The following MAGI2 variants were observed in gnomAD, a reference collection of about 807,000 sequenced individuals.
The protein encoded by MAGI2 is membrane-associated guanylate kinase, WW and PDZ domain-containing protein 2.
Under a neutral mutation model 133.3 loss-of-function variants are expected in MAGI2, and 35 were observed. That is an observed-to-expected ratio of 0.26 (90% confidence interval 0.20 to 0.35). The LOEUF (loss-of-function observed/expected upper bound fraction) is 0.35, where lower values mean the gene tolerates loss of function less well. Among genes scored for constraint, MAGI2 ranks in the 10% least tolerant of loss-of-function variants. The probability of loss-of-function intolerance (pLI) is 1.00; values close to 1 mark genes in which losing one functional copy is unlikely to be tolerated. For missense variants in MAGI2, 1,636 were observed against 1,863.4 expected, an observed-to-expected ratio of 0.88 and a Z score of 2.25; for synonymous variants, 729 against 710.6, an observed-to-expected ratio of 1.03 and a Z score of -0.41.
chr7:78,144,432 A>C (rs1239562857), intron 16 of MAGI2, among the ~76,000 whole-genome samples: 2 of 152,148 alleles, frequency 1.3e-5, no homozygotes, highest in Non-Finnish European at 2.9e-5. Flanking sequence ...TTTTATTACA[A>C]TTTTTAGTTA....
chr7:79,438,814 C>A (rs1848314194), intron 1 of MAGI2, among the ~76,000 whole-genome samples: 1 of 151,962 alleles, frequency 6.6e-6, no homozygotes, highest in Non-Finnish European at 1.5e-5. Flanking sequence ...TGAGTGAAAC[C>A]AAATTTTCTC....
intron 1 of MAGI2, among the ~76,000 whole-genome samples, chr7:79,427,378 T>A (rs7810770): frequency 0.2 from 30,303 of 151,546 alleles, 4,301 homozygotes; most frequent in African/African-American, 0.41. Flanking sequence ...AAAGTAAAAT[T>A]AAAAAATTAA....
At chr7:78,576,019 C>A (rs1238817767) in intron 3 of MAGI2, among the ~76,000 whole-genome samples, 1 of 151,986 alleles carries the variant, frequency 6.6e-6, no homozygotes, top group Non-Finnish European at 1.5e-5. Flanking sequence ...CATAAACTCT[C>A]TGTACTATTT....
chr7:79,162,911 T>C (rs1264074214), intron 1 of MAGI2, among the ~76,000 whole-genome samples: 3 of 152,154 alleles, frequency 2.0e-5, no homozygotes, highest in Non-Finnish European at 4.4e-5. Flanking sequence ...CTTAAAATAA[T>C]AATTTTAAGA....
At chr7:78,114,664 G>T (rs1236592237) in intron 20 of MAGI2, among the ~76,000 whole-genome samples, 2 of 152,182 alleles carry the variant, frequency 1.3e-5, no homozygotes, top group East Asian at 3.9e-4. Flanking sequence ...GGGTGGAGGG[G>T]ACCATGCTTC....
intron 5 of MAGI2, among the ~76,000 whole-genome samples, chr7:78,490,313 T>C (rs1396472316): frequency 1.3e-5 from 2 of 152,076 alleles, no homozygotes; most frequent in African/African-American, 2.4e-5. Context: ...TTATAGCATG[T>C]TCTTGGGATT....
In MAGI2 at chr7:78,755,371, T is replaced by C. The variant is rs546683026; in HGVS notation, c.419-128132A>G. On this transcript the variant is annotated intron_variant, in intron 2 of 21. Transcript: ENST00000354212. ...CGAGTATTTTGAATATTCATTCATA[T>C]AACGCAGTGGTTTAATGTATATTTG... 3.9e-5 allele frequency among the ~76,000 whole-genome samples: 6 copies of C among 152,370 alleles called. No homozygotes were observed. In the South Asian group the frequency reaches 1.0e-3, roughly 26 times the overall value.
At chr7:78,020,013 C>T in intron 21 of MAGI2, 37 bp from the exon 22 acceptor site, 2 of 1,547,598 alleles carry the variant, frequency 1.3e-6, no homozygotes, top group Non-Finnish European at 1.7e-6. Context: ...CAGTGGCGCA[C>T]GCAGGACGTC....
chr7:79,339,634 C>G (rs1459445611), intron 1 of MAGI2, among the ~76,000 whole-genome samples: 3 of 152,098 alleles, frequency 2.0e-5, no homozygotes, highest in African/African-American at 7.2e-5. Context: ...AAGTGCTTAT[C>G]ACCAGCCATT....
intron 3 of MAGI2, among the ~76,000 whole-genome samples, chr7:78,532,509 A>G (rs1797553702): frequency 6.6e-6 from 1 of 152,178 alleles, no homozygotes; most frequent in African/African-American, 2.4e-5. Context: ...TATATCTCCC[A>G]TAGGATGTAG....
At chr7:79,028,127 G>T (rs571356418) in intron 1 of MAGI2, among the ~76,000 whole-genome samples, 2 of 150,416 alleles carry the variant, frequency 1.3e-5, no homozygotes, top group African/African-American at 4.9e-5. Flanking sequence ...CAGGAGAATC[G>T]CTTGAACCCG....
chr7:78,740,592 C>T (rs1822316195), intron 2 of MAGI2, among the ~76,000 whole-genome samples: 1 of 152,048 alleles, frequency 6.6e-6, no homozygotes. Flanking sequence ...ATCTATAGTC[C>T]TAGAAAAAAG....
intron 1 of MAGI2, among the ~76,000 whole-genome samples, chr7:79,317,984 C>T (rs1270192725): frequency 6.6e-6 from 1 of 152,124 alleles, no homozygotes; most frequent in Non-Finnish European, 1.5e-5. Context: ...TGATCACTCC[C>T]TCTGCCTCAA....
chr7:78,490,145 G>T, intron 5 of MAGI2: 2 of 381,524 alleles, frequency 5.2e-6, no homozygotes, highest in South Asian at 1.0e-4. Context: ...ACAAATACAG[G>T]ATTCTCCAGT....
intron 1 of MAGI2, among the ~76,000 whole-genome samples, chr7:79,162,112 T>A (rs1824426316): frequency 1.3e-5 from 2 of 152,066 alleles, no homozygotes. Context: ...CACATAGTGT[T>A]AGATTTTAGC....
At chr7:79,169,688 T>C (rs529868370) in intron 1 of MAGI2, among the ~76,000 whole-genome samples, 2 of 152,184 alleles carry the variant, frequency 1.3e-5, no homozygotes. Context: ...AAAATGTACA[T>C]GGGTAGTTTA....
chr7:78,573,186 TTTTA>T (rs1218403036), intron 3 of MAGI2, among the ~76,000 whole-genome samples: 2 of 80,616 alleles, frequency 2.5e-5, no homozygotes, highest in African/African-American at 5.3e-5. Context: ...ACCCTGGAAC[TTTTA>T]TATATATATA....
chr7:78,266,395 G>A (rs948974121), intron 9 of MAGI2, among the ~76,000 whole-genome samples: 1 of 152,022 alleles, frequency 6.6e-6, no homozygotes, highest in East Asian at 1.9e-4. Context: ...AGAGATGGGA[G>A]TTTTGTCATG....
chr7:78,768,908 A>G (rs1825297721), intron 2 of MAGI2, among the ~76,000 whole-genome samples: 1 of 151,916 alleles, frequency 6.6e-6, no homozygotes, highest in Admixed American at 6.6e-5. Flanking sequence ...ATGCTATACA[A>G]TAGAGAACCG....
Sources: gnomAD v4.1 joint callset for allele counts (sites outside exome capture counted in the v4.1 genomes callset) on GRCh38, gnomAD v4.1.1 for gene constraint, MANE v1.5 for transcripts, NCBI Gene and HGNC (gene_info 2026-07-23, HGNC 2026-07-21) for gene names.